Variants in TENM2 observed in about 807,000 individuals in gnomAD.
TENM2 encodes teneurin-2.
A neutral mutation model predicts 245.2 loss-of-function variants in TENM2; 52 were observed. That is an observed-to-expected ratio of 0.21 (90% confidence interval 0.17 to 0.27). The LOEUF (loss-of-function observed/expected upper bound fraction) is 0.27, where lower values mean the gene tolerates loss of function less well. Among genes scored for constraint, TENM2 ranks in the 10% least tolerant of loss-of-function variants. The pLI, the probability that TENM2 is intolerant of heterozygous loss-of-function variation, is 1.00. For synonymous variants in TENM2, 1,363 were observed against 1,438.9 expected, an observed-to-expected ratio of 0.95 and a Z score of 1.19; for missense variants, 3,046 against 3,666.8, an observed-to-expected ratio of 0.83 and a Z score of 4.37.
chr5:167,190,848 T>C, the TENM2 span, among the ~76,000 whole-genome samples: 1 of 152,170 alleles, frequency 6.6e-6, no homozygotes, highest in African/African-American at 2.4e-5. Context: ...ATTTCCTTTC[T>C]ATTATTATTC....
At chr5:168,058,233 C>G (rs1264848424) in intron 6 of TENM2, among the ~76,000 whole-genome samples, 1 of 152,118 alleles carries the variant, frequency 6.6e-6, no homozygotes, top group African/African-American at 2.4e-5. Flanking sequence ...CTCACTTTAC[C>G]CTGTCATCAC....
intron 12 of TENM2, among the ~76,000 whole-genome samples, chr5:168,138,815 G>A (rs1429990898): frequency 1.3e-5 from 2 of 152,198 alleles, no homozygotes; most frequent in Non-Finnish European, 2.9e-5. Context: ...AATCATTTGG[G>A]AAGCATTCAT....
chr5:168,080,708 C>T (rs754800866), intron 7 of TENM2, among the ~76,000 whole-genome samples: 56 of 152,114 alleles, frequency 3.7e-4, no homozygotes, highest in Non-Finnish European at 7.1e-4. Context: ...CATTCAGGAG[C>T]AGGTTGTTCA....
chr5:167,521,290 A>T (rs191938804), intron 2 of TENM2, among the ~76,000 whole-genome samples: 71 of 152,274 alleles, frequency 4.7e-4, no homozygotes, highest in Non-Finnish European at 7.6e-4. Flanking sequence ...GTATATCACT[A>T]CTCAAATATT....
At chr5:167,369,020 G>C (rs1327528080) in intron 1 of TENM2, among the ~76,000 whole-genome samples, 2 of 151,320 alleles carry the variant, frequency 1.3e-5, no homozygotes, top group African/African-American at 4.8e-5. Flanking sequence ...TTTTACTCTG[G>C]TGTGTTTGTA....
intron 12 of TENM2, among the ~76,000 whole-genome samples, chr5:168,159,049 CG>C (rs1757512168): frequency 6.6e-6 from 1 of 150,722 alleles, no homozygotes; most frequent in Non-Finnish European, 1.5e-5. Flanking sequence ...GAAGCTGAGG[CG>C]GGGGAATCAT....
At chr5:167,437,043 G>T (rs542126104) in intron 2 of TENM2, among the ~76,000 whole-genome samples, 1 of 152,164 alleles carries the variant, frequency 6.6e-6, no homozygotes, top group Non-Finnish European at 1.5e-5. Context: ...ACCGCCTAGT[G>T]CAGCTGTGAG....
chr5:168,195,057 A>G, intron 14 of TENM2, 119 bp from the exon 17 acceptor site: 1 of 1,179,524 alleles, frequency 8.5e-7, no homozygotes, highest in East Asian at 2.6e-5. Context: ...CCAGAAGTTA[A>G]TGTTGAAAGC....
intron 2 of TENM2, among the ~76,000 whole-genome samples, chr5:167,711,672 A>G (rs1448970275): frequency 6.6e-6 from 1 of 152,040 alleles, no homozygotes; most frequent in African/African-American, 2.4e-5. Flanking sequence ...CTTTTGCTCA[A>G]TCATCTCTTT....
chr5:167,271,980 G>A, the TENM2 span, among the ~76,000 whole-genome samples: 3 of 152,144 alleles, frequency 2.0e-5, no homozygotes, highest in South Asian at 2.1e-4. Context: ...TCTACCCAGC[G>A]GTCACAGGAA....
chr5:167,361,325 A>G (rs1481927215), intron 1 of TENM2, among the ~76,000 whole-genome samples: 2 of 152,098 alleles, frequency 1.3e-5, no homozygotes, highest in Non-Finnish European at 2.9e-5. Flanking sequence ...TCCTAATTGC[A>G]TTCTTCTCCC....
the TENM2 span, among the ~76,000 whole-genome samples, chr5:167,109,049 C>T: frequency 1.3e-5 from 2 of 152,010 alleles, no homozygotes; most frequent in African/African-American, 2.4e-5. Context: ...AGGCAATTAA[C>T]GTTGAAACCT....
intron 2 of TENM2, among the ~76,000 whole-genome samples, chr5:167,655,926 G>A (rs977225677): frequency 2.6e-5 from 4 of 152,122 alleles, no homozygotes; most frequent in Non-Finnish European, 5.9e-5. Flanking sequence ...TCTGTGCTCA[G>A]AACACTTAGG....
At chr5:167,483,883 G>A (rs2127532576) in intron 2 of TENM2, among the ~76,000 whole-genome samples, 1 of 152,298 alleles carries the variant, frequency 6.6e-6, no homozygotes, top group East Asian at 1.9e-4. Flanking sequence ...GGAAGACAGA[G>A]TACCAAGCTC....
At chr5:167,779,043 A>G (rs1764002118) in intron 2 of TENM2, among the ~76,000 whole-genome samples, 1 of 152,218 alleles carries the variant, frequency 6.6e-6, no homozygotes, top group Admixed American at 6.5e-5. Flanking sequence ...GTGGTACAGA[A>G]CATCATGATG....
intron 2 of TENM2, among the ~76,000 whole-genome samples, chr5:167,489,408 G>A (rs1768286647): frequency 6.6e-6 from 1 of 151,834 alleles, no homozygotes; most frequent in Admixed American, 6.6e-5. Context: ...CTCTCTTTCT[G>A]GATTACTCAC....
chr5:167,645,781 G>T (rs1435557010), intron 2 of TENM2, among the ~76,000 whole-genome samples: 2 of 151,832 alleles, frequency 1.3e-5, no homozygotes, highest in East Asian at 3.9e-4. Context: ...TTTCACAAAG[G>T]TTATTTCTGA....
chr5:167,615,657 A>T (rs1777743992), intron 2 of TENM2, among the ~76,000 whole-genome samples: 1 of 152,122 alleles, frequency 6.6e-6, no homozygotes, highest in Admixed American at 6.6e-5. Context: ...AACCTTTAGT[A>T]CCATCATTCA....
At chr5:167,975,797 T>C (rs1332383615) in intron 4 of TENM2, among the ~76,000 whole-genome samples, 1 of 151,184 alleles carries the variant, frequency 6.6e-6, no homozygotes, top group African/African-American at 2.4e-5. Context: ...GGAAAATAGA[T>C]AGTAATAGAG....
Sources: allele counts gnomAD v4.1 joint callset (sites outside exome capture counted in the v4.1 genomes callset), GRCh38; gene constraint gnomAD v4.1.1; transcripts MANE v1.5; gene names NCBI Gene and HGNC (gene_info 2026-07-23, HGNC 2026-07-21).